The following ZNF251 variants were observed in gnomAD, a reference collection of about 807,000 sequenced individuals.
The protein encoded by ZNF251 is zinc finger protein 251.
In ZNF251, 14 loss-of-function variants were observed where a neutral mutation model predicts 13.5. That is an observed-to-expected ratio of 1.04 (90% confidence interval 0.69 to 1.63). The LOEUF is 1.63. Ranked by LOEUF, ZNF251 falls within the 40% of genes most tolerant of loss-of-function variation. ZNF251 has a pLI of 0.00. For missense variants in ZNF251, 764 were observed against 834.9 expected (o/e 0.92, Z 1.05); for synonymous variants, 287 against 295.2 (o/e 0.97, Z 0.28).
intron 4 of ZNF251, among the ~76,000 whole-genome samples, chr8:144,742,073 C>T (rs1199883405): frequency 6.6e-6 from 1 of 152,110 alleles, no homozygotes; most frequent in African/African-American, 2.4e-5. Flanking sequence ...ACCGAAACGA[C>T]AGGCAGCTCA....
chr8:144,747,419 C>A (rs1426608701), intron 4 of ZNF251, among the ~76,000 whole-genome samples: 2 of 152,220 alleles, frequency 1.3e-5, no homozygotes, highest in Admixed American at 1.3e-4. Context: ...CAGGAATGTG[C>A]ATTCTGCTAT....
intron 4 of ZNF251, among the ~76,000 whole-genome samples, chr8:144,737,649 G>A (rs903220750): frequency 7.9e-5 from 12 of 151,828 alleles, no homozygotes; most frequent in South Asian, 2.1e-4. Flanking sequence ...TGGCTAACAC[G>A]GTGAAACCCC....
chr8:144,751,763 G>A (rs904923780), intron 4 of ZNF251, among the ~76,000 whole-genome samples: 3 of 152,034 alleles, frequency 2.0e-5, no homozygotes, highest in African/African-American at 7.2e-5. Context: ...ACAATTAAAA[G>A]ACAAAGATTG....
chr8:144,748,088 T>G (rs1824514218), intron 4 of ZNF251, among the ~76,000 whole-genome samples: 1 of 152,062 alleles, frequency 6.6e-6, no homozygotes, highest in South Asian at 2.1e-4. Flanking sequence ...CACTTTTTTT[T>G]TTTGAGATGG....
chr8:144,744,789 CTCA>C lies in ZNF251; in HGVS notation c.277+8891_277+8893del, dbSNP rs200295472. ...AAGAAAATAAGGCCGGGCGCAGTGGCTCATGTCTGTAATCCCAGCACTTTGGGA... is the reference window on the plus strand; with the variant it reads ...AAGAAAATAAGGCCGGGCGCAGTGGCTGTCTGTAATCCCAGCACTTTGGGA... On this transcript the variant is annotated intron_variant, in intron 4 of 4. Coordinates refer to ENST00000292562, the MANE Select transcript of ZNF251 (RefSeq NM_138367.2). Among the ~76,000 whole-genome samples, 137 of 152,262 alleles carry C rather than the reference CTCA, an allele frequency of 9.0e-4. 2 individuals are homozygous for C. The East Asian group carries it at 0.017, about 19-fold the overall frequency.
intron 3 of ZNF251, 145 bp downstream of exon 3, chr8:144,754,047 G>T: frequency 2.4e-6 from 3 of 1,260,404 alleles, no homozygotes; most frequent in Non-Finnish European, 1.1e-6. Context: ...CTTTTCCCAT[G>T]GGAAATGTTC....
At chr8:144,726,537 AAATAAT>A (rs1165426356) in intron 4 of ZNF251, among the ~76,000 whole-genome samples, 2 of 151,676 alleles carry the variant, frequency 1.3e-5, no homozygotes, top group Non-Finnish European at 2.9e-5. Context: ...CTCTGTCTCA[AAATAAT>A]AATAATAATA....
At chr8:144,742,586 G>A (rs1429054353) in intron 4 of ZNF251, among the ~76,000 whole-genome samples, 6 of 151,150 alleles carry the variant, frequency 4.0e-5, no homozygotes, top group Admixed American at 1.3e-4. Context: ...GGGCTCACTC[G>A]TGGTGCCGCG....
At position 144,730,905 on chromosome 8, in the gene ZNF251, A is replaced by AT. The variant is rs751234182; in HGVS notation, c.278-7524dup. On this transcript the variant is annotated intron_variant, in intron 4 of 4. Coordinates refer to ENST00000292562, the MANE Select transcript of ZNF251 (RefSeq NM_138367.2). The stretch of plus-strand genomic sequence containing the variant: ...GTTGGCTGACAAGATCTTACTCAAG[A>AT]TCTCATGCCATTCAGACACCCAGTG... 8.5e-4 allele frequency among the ~76,000 whole-genome samples: 130 copies of AT among 152,288 alleles called. No homozygotes were observed. The Middle Eastern group carries it at 0.02, about 24-fold the overall frequency.
chr8:144,738,156 C>A (rs1350552758), intron 4 of ZNF251, among the ~76,000 whole-genome samples: 3 of 152,164 alleles, frequency 2.0e-5, no homozygotes, highest in African/African-American at 7.2e-5. Context: ...GGCGGCCCAG[C>A]ACACCATGCC....
chr8:144,728,765 ACAC>A (rs1823596492), intron 4 of ZNF251, among the ~76,000 whole-genome samples: 1 of 151,952 alleles, frequency 6.6e-6, no homozygotes, highest in Admixed American at 6.6e-5. Flanking sequence ...GACTTGCTCA[ACAC>A]AAGGTCGTCA....
chr8:144,742,214 G>GA (rs538283348), intron 4 of ZNF251, among the ~76,000 whole-genome samples: 67 of 145,420 alleles, frequency 4.6e-4, no homozygotes, highest in Middle Eastern at 7.1e-3. Flanking sequence ...ATGGGAAAAG[G>GA]AAAAAAAAAA....
intron 4 of ZNF251, among the ~76,000 whole-genome samples, chr8:144,747,158 ATTT>A (rs1167041666): frequency 1.3e-5 from 2 of 152,014 alleles, no homozygotes; most frequent in Non-Finnish European, 2.9e-5. Flanking sequence ...GGTAAGTTTT[ATTT>A]TCATTTTCAC....
intron 4 of ZNF251, among the ~76,000 whole-genome samples, chr8:144,729,386 G>A (rs1329510144): frequency 2.7e-5 from 4 of 149,138 alleles, no homozygotes; most frequent in African/African-American, 9.8e-5. Context: ...GCCCAGGCTG[G>A]AGTGCAGTGG....
At chr8:144,732,603 G>A (rs761950442) in intron 4 of ZNF251, among the ~76,000 whole-genome samples, 2 of 150,994 alleles carry the variant, frequency 1.3e-5, no homozygotes, top group East Asian at 2.1e-4. Flanking sequence ...ACGAGGTCAG[G>A]AGATGGAGAC....
At chr8:144,755,238 G>A in intron 1 of ZNF251, 167 bp downstream of exon 1, 2 of 1,186,428 alleles carry the variant, frequency 1.7e-6, no homozygotes, top group South Asian at 3.1e-5. Flanking sequence ...CAGCCTTCTA[G>A]GGCCGCGCCG....
At chr8:144,733,883 G>A (rs943454900) in intron 4 of ZNF251, among the ~76,000 whole-genome samples, 5 of 152,248 alleles carry the variant, frequency 3.3e-5, no homozygotes, top group Admixed American at 2.0e-4. Context: ...GTTGCTGGGA[G>A]GGAGCGCACC....
Position 144,722,038 on chromosome 8 carries a change from T to C in ZNF251, c.1622A>G (p.Glu541Gly), listed in dbSNP as rs1563753041. 3.1e-6 allele frequency: 5 copies of C among 1,612,326 alleles called. No homozygotes were observed. Among genetic ancestry groups the C allele is most frequent in the South Asian group, 1.1e-5 (1 of 90,832 alleles). ...ATGGTTAAAGGCTCTGCCGTGCTTC[T>C]CTCCAGTGGGAATCTGTCCATCTGC... is the stretch of plus-strand genomic sequence containing the variant. Reference protein sequence around the residue: ...LTADGQIPTGEKHGRAFNHGA... With the variant: ...LTADGQIPTGGKHGRAFNHGA... Residue 541 changes from glutamate to glycine, a missense_variant, in exon 5 of 5, where the codon GAG (glutamate) becomes GGG (glycine). Transcript: ENST00000292562. This position sits in a 1 kb window ranked among gnomAD's most constrained non-coding sequence, Gnocchi z 4.8.
At position 144,734,475 on chromosome 8, in the gene ZNF251, T is replaced by C. The variant is rs538251603; in HGVS notation, c.278-11093A>G. ...GGCCTCCACCTGGCTCTGAGATGAG[T>C]GTAAGGCTCACAGCAACGGCATGAA... is the stretch of plus-strand genomic sequence containing the variant. On this transcript the variant is annotated intron_variant, in intron 4 of 4. Coordinates refer to ENST00000292562, the MANE Select transcript of ZNF251 (RefSeq NM_138367.2). The surrounding 1 kb of genome is among the most constrained non-coding windows in gnomAD (Gnocchi z 4.4). 6.6e-5 allele frequency among the ~76,000 whole-genome samples: 10 copies of C among 151,990 alleles called. No homozygotes were observed. Among genetic ancestry groups the C allele is most frequent in the East Asian group, 1.9e-4 (1 of 5,160 alleles).
Sources: gnomAD v4.1 joint callset for allele counts (sites outside exome capture counted in the v4.1 genomes callset) on GRCh38, gnomAD v4.1.1 for gene constraint, Gnocchi (gnomAD v3.1) non-coding constraint, MANE v1.5 for transcripts, NCBI Gene and HGNC (gene_info 2026-07-23, HGNC 2026-07-21) for gene names.